SERPINI1: variants seen among roughly 807,000 people sequenced by gnomAD.
The protein encoded by SERPINI1 is serpin family I member 1.
SERPINI1 carries 19 observed loss-of-function variants against 41.1 expected under a neutral mutation model. The ratio of observed to expected loss-of-function variants is 0.46; its 90% CI spans 0.32 to 0.68. The LOEUF is 0.68. Ranked by LOEUF, SERPINI1 falls within the 30% of genes least tolerant of loss-of-function variation. SERPINI1 has a pLI of 0.03. For synonymous variants in SERPINI1, 138 were observed against 156.6 expected (o/e 0.88, Z 0.89); for missense variants, 460 against 479.2 (o/e 0.96, Z 0.37).
chr3:167,773,966 C>A (rs1325536229), intron 1 of SERPINI1, among the ~76,000 whole-genome samples: 2 of 152,050 alleles, frequency 1.3e-5, no homozygotes, highest in Non-Finnish European at 2.9e-5. Context: ...AAGAAAGAGC[C>A]ACTTAACTTA....
intron 1 of SERPINI1, among the ~76,000 whole-genome samples, chr3:167,739,528 C>T (rs1421561009): frequency 6.6e-6 from 1 of 152,144 alleles, no homozygotes; most frequent in East Asian, 1.9e-4. Context: ...AAATTCATCT[C>T]AGAGATAGGA....
At chr3:167,788,987 C>A in intron 1 of SERPINI1, 124 bp from the exon 2 acceptor site, 1 of 871,426 alleles carries the variant, frequency 1.1e-6, no homozygotes, top group East Asian at 2.6e-5. Flanking sequence ...CAGAACTTAG[C>A]AGTGTTATTT....
At chr3:167,737,956 A>C (rs1725536376) in intron 1 of SERPINI1, among the ~76,000 whole-genome samples, 1 of 152,044 alleles carries the variant, frequency 6.6e-6, no homozygotes, top group Non-Finnish European at 1.5e-5. Flanking sequence ...TTTCAATATC[A>C]TTTGAAAAAA....
At chr3:167,816,147 G>A (rs1157387036) in intron 6 of SERPINI1, among the ~76,000 whole-genome samples, 1 of 152,136 alleles carries the variant, frequency 6.6e-6, no homozygotes, top group African/African-American at 2.4e-5. Context: ...GAGCTCAGGT[G>A]ATCCTCCCAC....
intron 2 of SERPINI1, 58 bp from the exon 3 acceptor site, chr3:167,790,314 T>G: frequency 1.5e-6 from 2 of 1,304,548 alleles, no homozygotes; most frequent in Non-Finnish European, 2.2e-6. Context: ...TCCTCCACTC[T>G]CCTTGACATT....
chr3:167,748,672 A>C (rs774374206), intron 1 of SERPINI1, among the ~76,000 whole-genome samples: 1 of 152,074 alleles, frequency 6.6e-6, no homozygotes, highest in Non-Finnish European at 1.5e-5. Flanking sequence ...TATGAAATCA[A>C]CTAGTTTTGT....
intron 6 of SERPINI1, among the ~76,000 whole-genome samples, chr3:167,811,634 T>C (rs1711890601): frequency 6.6e-6 from 1 of 152,172 alleles, no homozygotes; most frequent in South Asian, 2.1e-4. Flanking sequence ...TTTCATATAC[T>C]GCTCTGTAGT....
At chr3:167,776,069 G>C (rs1726961741) in intron 1 of SERPINI1, among the ~76,000 whole-genome samples, 1 of 152,304 alleles carries the variant, frequency 6.6e-6, no homozygotes, top group African/African-American at 2.4e-5. Flanking sequence ...CAAGCCCACT[G>C]TCTAGGGAAG....
At chr3:167,773,348 C>T (rs115922313) in intron 1 of SERPINI1, among the ~76,000 whole-genome samples, 222 of 152,232 alleles carry the variant, frequency 1.5e-3, no homozygotes, top group African/African-American at 5.3e-3. Context: ...CCATTTCTCT[C>T]GAGATCTCCG....
At chr3:167,785,130 G>A (rs1230388458) in intron 1 of SERPINI1, among the ~76,000 whole-genome samples, 1 of 152,100 alleles carries the variant, frequency 6.6e-6, no homozygotes, top group Non-Finnish European at 1.5e-5. Context: ...AGTAGTCTCA[G>A]CTACTTGGGA....
At chr3:167,762,131 A>G (rs775667975) in intron 1 of SERPINI1, among the ~76,000 whole-genome samples, 11 of 152,034 alleles carry the variant, frequency 7.2e-5, no homozygotes, top group Non-Finnish European at 1.0e-4. Flanking sequence ...CACACTCACT[A>G]CCACTTGTTT....
intron 1 of SERPINI1, among the ~76,000 whole-genome samples, chr3:167,786,213 A>T (rs1343926965): frequency 6.6e-6 from 1 of 152,108 alleles, no homozygotes; most frequent in Non-Finnish European, 1.5e-5. Context: ...TAAGACTTGG[A>T]GAAGATAGGC....
intron 4 of SERPINI1, 60 bp from the exon 5 acceptor site, chr3:167,794,560 C>T (rs961533146): frequency 1.0e-4 from 145 of 1,414,984 alleles, no homozygotes; most frequent in East Asian, 3.0e-4. Context: ...TTTCATCTCT[C>T]GCCCCCAGCT....
chr3:167,783,667 C>G (rs71304653), intron 1 of SERPINI1, among the ~76,000 whole-genome samples: 19,454 of 151,978 alleles, frequency 0.13, 1,510 homozygotes, highest in African/African-American at 0.21. Context: ...CCAGCGCCCA[C>G]CCAGCCAAAA....
At chr3:167,808,232 C>T (rs1196626425) in intron 6 of SERPINI1, among the ~76,000 whole-genome samples, 1 of 150,558 alleles carries the variant, frequency 6.6e-6, no homozygotes, top group Non-Finnish European at 1.5e-5. Context: ...TTTTAAATAT[C>T]CCAAGAAAAA....
intron 5 of SERPINI1, among the ~76,000 whole-genome samples, chr3:167,806,279 A>T (rs922158059): frequency 1.3e-5 from 2 of 151,944 alleles, no homozygotes; most frequent in Admixed American, 6.5e-5. Flanking sequence ...CAATGAGAAC[A>T]TGTAGACTTA....
At chr3:167,794,938 C>A in intron 5 of SERPINI1, 114 bp downstream of exon 5, 1 of 786,148 alleles carries the variant, frequency 1.3e-6, no homozygotes, top group Non-Finnish European at 2.2e-6. Context: ...GTGCCACTCT[C>A]TTCTTATTCT....
At chr3:167,803,618 C>G (rs1711522312) in intron 5 of SERPINI1, among the ~76,000 whole-genome samples, 1 of 152,186 alleles carries the variant, frequency 6.6e-6, no homozygotes. Flanking sequence ...AATTAAGAAA[C>G]TTGCCGAAGT....
chr3:167,798,579 G>A (rs1203549612), intron 5 of SERPINI1, among the ~76,000 whole-genome samples: 2 of 152,124 alleles, frequency 1.3e-5, no homozygotes, highest in Non-Finnish European at 2.9e-5. Context: ...TTACTCAAGT[G>A]TCAATTTTAA....
Sources: gnomAD v4.1 joint callset for allele counts (sites outside exome capture counted in the v4.1 genomes callset) on GRCh38, gnomAD v4.1.1 for gene constraint, MANE v1.5 for transcripts, NCBI Gene and HGNC (gene_info 2026-07-23, HGNC 2026-07-21) for gene names.